TLL1: variants seen among roughly 807,000 people sequenced by gnomAD.
TLL1 encodes the protein tolloid like 1, also known as tolloid-like protein 1.
A neutral mutation model predicts 128.2 loss-of-function variants in TLL1; 49 were observed. The observed-to-expected ratio is 0.38, with a 90% CI of 0.30 to 0.48. The LOEUF (loss-of-function observed/expected upper bound fraction) is 0.48, where lower values mean the gene tolerates loss of function less well. TLL1 is among the 20% of genes least tolerant of loss of function. TLL1 has a pLI of 0.96. For synonymous variants in TLL1, 454 were observed against 418.8 expected, an observed-to-expected ratio of 1.08 and a Z score of -1.03; for missense variants, 1,123 against 1,242.0, an observed-to-expected ratio of 0.90 and a Z score of 1.44.
At chr4:166,057,126 C>T in intron 13 of TLL1, 58 bp from the exon 14 acceptor site, 1 of 1,597,310 alleles carries the variant, frequency 6.3e-7, no homozygotes, top group East Asian at 2.2e-5. Flanking sequence ...CAAACCATTT[C>T]ACATACATAC....
intron 1 of TLL1, among the ~76,000 whole-genome samples, chr4:165,875,232 A>G (rs1263138166): frequency 6.6e-6 from 1 of 152,180 alleles, no homozygotes; most frequent in African/African-American, 2.4e-5. Context: ...CTCTGTGACT[A>G]GCTTTTCTTC....
At position 165,995,151 on chromosome 4, in the gene TLL1, A is replaced by G; in HGVS notation, c.605A>G (p.Tyr202Cys). ...ATAGAAAGAAGTGATGAAGAGAGTTACATTGTATTCACCTATAGGCCTTGT... is the reference window on the plus strand; with the variant it reads ...ATAGAAAGAAGTGATGAAGAGAGTTGCATTGTATTCACCTATAGGCCTTGT... ...TFIERSDEES[Y>C]IVFTYRPCGC... Residue 202 changes from tyrosine to cysteine, a missense_variant, in exon 5 of 21, where the codon TAC (tyrosine) becomes TGC (cysteine). Around this residue, in one of 3 missense-constraint regions of TLL1, gnomAD observed 480 missense variants for 542.4 expected, o/e 0.89. Transcript: ENST00000061240. The G allele has an allele frequency of 6.2e-7, 1 of 1,613,936 alleles. No individual in the cohort carries two copies. Among genetic ancestry groups the G allele is most frequent in the Non-Finnish European group, 8.5e-7 (1 of 1,179,794 alleles).
At chr4:165,948,846 T>C (rs1734378614) in intron 1 of TLL1, among the ~76,000 whole-genome samples, 1 of 152,050 alleles carries the variant, frequency 6.6e-6, no homozygotes, top group African/African-American at 2.4e-5. Flanking sequence ...TGAAGGTATT[T>C]TGCATTTGGG....
At chr4:166,099,252 C>CA in intron 19 of TLL1, 25 bp from the exon 20 acceptor site, 1 of 1,613,282 alleles carries the variant, frequency 6.2e-7, no homozygotes, top group Non-Finnish European at 8.5e-7. Flanking sequence ...TGACCTTACT[C>CA]ATCTTATTTT....
chr4:165,980,746 T>G (rs1307505470), intron 1 of TLL1, among the ~76,000 whole-genome samples: 2 of 152,084 alleles, frequency 1.3e-5, no homozygotes, highest in African/African-American at 4.8e-5. Context: ...GACTTTAAGT[T>G]GTTAAGAGAG....
intron 1 of TLL1, among the ~76,000 whole-genome samples, chr4:165,884,972 G>A (rs1022232695): frequency 4.6e-5 from 7 of 152,062 alleles, no homozygotes; most frequent in African/African-American, 1.4e-4. Context: ...TGAAGTTACC[G>A]GGTTCACTTT....
In TLL1 at chr4:165,992,776, T is replaced by A. The variant is rs111863557; in HGVS notation, c.281-28T>A. On this transcript the variant is annotated intron_variant, in intron 2 of 20. Coordinates refer to ENST00000061240, the MANE Select transcript of TLL1 (RefSeq NM_012464.5). ...TGCAAGAACTTTAACATATTTTGAGTTTAACTTGTTTCCTTTTATTCTTTA... is the reference window on the plus strand; with the variant it reads ...TGCAAGAACTTTAACATATTTTGAGATTAACTTGTTTCCTTTTATTCTTTA... 2,178 of 1,604,628 alleles carry A rather than the reference T, an allele frequency of 1.4e-3. 25 individuals carry two copies. In the African/African-American group the frequency reaches 0.024, roughly 18 times the overall value.
chr4:166,006,701 G>T (rs1345539567), intron 6 of TLL1, among the ~76,000 whole-genome samples: 4 of 151,652 alleles, frequency 2.6e-5, no homozygotes, highest in South Asian at 2.1e-4. Flanking sequence ...TCAGAGATTT[G>T]TGGAGCACGT....
chr4:165,935,284 C>T (rs964987587), intron 1 of TLL1, among the ~76,000 whole-genome samples: 1 of 152,088 alleles, frequency 6.6e-6, no homozygotes, highest in Non-Finnish European at 1.5e-5. Context: ...GACAGAAAAC[C>T]TTGTGGGAAA....
chr4:165,902,295 AAAAAAAC>A lies in TLL1; in HGVS notation c.169+28229_169+28235del, dbSNP rs562061024. 8.6e-3 allele frequency among the ~76,000 whole-genome samples: 1,311 copies of A among 151,632 alleles called. 20 individuals carry two copies. Among genetic ancestry groups the A allele is most frequent in the African/African-American group, 0.026 (1,069 of 41,302 alleles). On this transcript the variant is annotated intron_variant, in intron 1 of 20. Transcript: ENST00000061240. ...GTTCCAGGTGCCACCAGGTTATGAA[AAAAAAAC>A]AAAAAAACAAAAAAACAAAAACAAA...
Position 165,967,880 on chromosome 4 carries a change from T to TA in TLL1, c.170-21500dup, listed in dbSNP as rs200659180. 3.3e-5 allele frequency among the ~76,000 whole-genome samples: 5 copies of TA among 152,342 alleles called. No homozygotes were observed. In the East Asian group the frequency reaches 9.6e-4, roughly 29 times the overall value. ...AGGAAAACAATTTTAAGGCAATAGATAGACTTTATATTGAGTGTATCCTTT... is the reference window on the plus strand; with the variant it reads ...AGGAAAACAATTTTAAGGCAATAGATAAGACTTTATATTGAGTGTATCCTTT... On this transcript the variant is annotated intron_variant, in intron 1 of 20. Coordinates refer to ENST00000061240, the MANE Select transcript of TLL1 (RefSeq NM_012464.5).
Position 166,100,992 on chromosome 4 carries a change from C to A in TLL1, c.*116C>A. On this transcript the variant is annotated 3_prime_UTR_variant, in exon 21 of 21. Coordinates refer to ENST00000061240, the MANE Select transcript of TLL1 (RefSeq NM_012464.5). Reference sequence around the variant, plus strand: ...TATACAAAGAGTTTGAACAAAAAATCCCTGTAAGACCAGAATTATCTTTGT... The same window carrying A: ...TATACAAAGAGTTTGAACAAAAAATACCTGTAAGACCAGAATTATCTTTGT... The A allele has an allele frequency of 1.5e-6, 2 of 1,291,216 alleles. No individual in the cohort carries two copies. The highest frequency in any genetic ancestry group is 1.1e-6 in the Non-Finnish European group (1 of 928,072). 80.0% of individuals were successfully genotyped at this position (1,291,216 alleles called of 1,614,324 possible).
chr4:166,007,790 T>C (rs1360265170), intron 6 of TLL1, among the ~76,000 whole-genome samples, 153 bp from the exon 7 acceptor site: 2 of 151,676 alleles, frequency 1.3e-5, no homozygotes, highest in Non-Finnish European at 3.0e-5. Flanking sequence ...TGAAGACAGA[T>C]GCTTTCTGCA....
At chr4:165,969,661 A>T (rs1351236099) in intron 1 of TLL1, among the ~76,000 whole-genome samples, 1 of 152,102 alleles carries the variant, frequency 6.6e-6, no homozygotes, top group Non-Finnish European at 1.5e-5. Context: ...TATTTTAGGG[A>T]TAACCTAACA....
intron 7 of TLL1, among the ~76,000 whole-genome samples, chr4:166,011,050 C>T (rs1737670984): frequency 6.6e-6 from 1 of 150,994 alleles, no homozygotes; most frequent in Non-Finnish European, 1.5e-5. Flanking sequence ...ATTACTGTAG[C>T]TTTGTAATAT....
At chr4:166,072,854 C>T (rs1235737323) in intron 16 of TLL1, among the ~76,000 whole-genome samples, 1 of 152,040 alleles carries the variant, frequency 6.6e-6, no homozygotes, top group East Asian at 1.9e-4. Flanking sequence ...TCTGCCTCCA[C>T]ACTGTTCGTC....
intron 5 of TLL1, among the ~76,000 whole-genome samples, chr4:165,995,771 C>T (rs1035212448): frequency 2.0e-4 from 31 of 152,046 alleles, no homozygotes; most frequent in Non-Finnish European, 5.9e-5. Context: ...CTAGGCTATC[C>T]TTGTATCTTT....
chr4:166,043,547 C>T (rs1249084770), intron 12 of TLL1, 128 bp downstream of exon 12: 3 of 1,396,176 alleles, frequency 2.1e-6, no homozygotes, highest in Non-Finnish European at 3.0e-6. Context: ...AGCAAAGGAT[C>T]GCTCATAAAA....
At chr4:166,095,416 AG>A (rs968303804) in intron 19 of TLL1, among the ~76,000 whole-genome samples, 41 of 150,956 alleles carry the variant, frequency 2.7e-4, no homozygotes, top group East Asian at 7.8e-4. Context: ...TCTTTAGTAA[AG>A]AAAAAAATCC....
Sources: gnomAD v4.1 joint callset for allele counts (sites outside exome capture counted in the v4.1 genomes callset) on GRCh38, gnomAD v4.1.1 for gene constraint, gnomAD v4.1.1 regional missense constraint, MANE v1.5 for transcripts, NCBI Gene and HGNC (gene_info 2026-07-23, HGNC 2026-07-21) for gene names.